The following NRP1 variants were observed in gnomAD, a reference collection of about 807,000 sequenced individuals.
The protein encoded by NRP1 is neuropilin 1.
A neutral mutation model predicts 106.7 loss-of-function variants in NRP1; 35 were observed. The observed-to-expected ratio is 0.33, with a 90% CI of 0.25 to 0.43. The LOEUF (loss-of-function observed/expected upper bound fraction) is 0.43, where lower values mean the gene tolerates loss of function less well. Ranked by LOEUF, NRP1 falls within the 20% of genes least tolerant of loss-of-function variation. The pLI is 1.00. For missense variants in NRP1, 1,024 were observed against 1,170.4 expected (o/e 0.87, Z 1.83); for synonymous variants, 437 against 417.9 (o/e 1.05, Z -0.56).
intron 15 of NRP1, among the ~76,000 whole-genome samples, chr10:33,184,722 C>T (rs965144775): frequency 3.7e-4 from 57 of 152,150 alleles, no homozygotes; most frequent in African/African-American, 1.2e-3. Flanking sequence ...TCTTTTTGCC[C>T]AATTTCTTCG....
chr10:33,207,497 C>T (rs979988250), intron 10 of NRP1, 75 bp downstream of exon 10: 1 of 1,540,224 alleles, frequency 6.5e-7, no homozygotes, highest in Non-Finnish European at 8.9e-7. Context: ...TTTGCAAAGG[C>T]ACCATCAGGG....
chr10:33,227,134 G>A lies in NRP1; in HGVS notation c.982-845C>T, dbSNP rs1327864341. On this transcript the variant is annotated intron_variant, in intron 6 of 16. Coordinates refer to ENST00000374867, the MANE Select transcript of NRP1 (RefSeq NM_003873.7). ...AGACCTTTCTCACTGTTGCAACCAGGATTGCTTGATCCCTGGTGCAAAAGA... is the reference window on the plus strand; with the variant it reads ...AGACCTTTCTCACTGTTGCAACCAGAATTGCTTGATCCCTGGTGCAAAAGA... Among the ~76,000 whole-genome samples the A allele has an allele frequency of 3.3e-5, 5 of 152,310 alleles. No individual in the cohort carries two copies. In the East Asian group the frequency reaches 9.6e-4, roughly 29 times the overall value.
intron 15 of NRP1, among the ~76,000 whole-genome samples, chr10:33,184,261 C>T (rs1835869344): frequency 6.6e-6 from 1 of 152,326 alleles, no homozygotes; most frequent in South Asian, 2.1e-4. Context: ...AATGATCCTC[C>T]TGCCTCGGCC....
chr10:33,326,824 T>A (rs186895541), intron 2 of NRP1, among the ~76,000 whole-genome samples: 2 of 152,326 alleles, frequency 1.3e-5, no homozygotes, highest in East Asian at 3.9e-4. Flanking sequence ...TTGCAAAGTA[T>A]GATCCAGAAT....
intron 2 of NRP1, among the ~76,000 whole-genome samples, chr10:33,314,162 T>A (rs1846840533): frequency 6.8e-6 from 1 of 146,324 alleles, no homozygotes; most frequent in South Asian, 2.4e-4. Flanking sequence ...CATGGCTCAC[T>A]GCAGCCTTGA....
chr10:33,307,545 T>C (rs970549761), intron 2 of NRP1, among the ~76,000 whole-genome samples: 1 of 152,056 alleles, frequency 6.6e-6, no homozygotes, highest in Admixed American at 6.6e-5. Context: ...CTCCCCAACC[T>C]CCCCTACCTC....
intron 16 of NRP1, 78 bp from the exon 17 acceptor site, chr10:33,180,443 C>T (rs555441773): frequency 1.2e-5 from 17 of 1,413,008 alleles, no homozygotes; most frequent in South Asian, 2.8e-5. Context: ...TAGAAAGGAA[C>T]GAAACAGGAG....
At chr10:33,295,902 G>A (rs1272011365) in intron 2 of NRP1, among the ~76,000 whole-genome samples, 1 of 152,172 alleles carries the variant, frequency 6.6e-6, no homozygotes, top group African/African-American at 2.4e-5. Flanking sequence ...AACAAGCAAA[G>A]CCTAAAGTGC....
chr10:33,252,222 G>A (rs1222605623), intron 6 of NRP1, among the ~76,000 whole-genome samples: 5 of 152,174 alleles, frequency 3.3e-5, no homozygotes, highest in African/African-American at 1.2e-4. Context: ...AAGAGTCCAG[G>A]AGAAAACCAT....
intron 11 of NRP1, chr10:33,202,569 G>A: frequency 2.8e-6 from 4 of 1,405,532 alleles, no homozygotes; most frequent in Non-Finnish European, 3.8e-6. Flanking sequence ...CGTGTTATTG[G>A]GGGGGGGTCT....
At chr10:33,252,137 C>T (rs1038462588) in intron 6 of NRP1, among the ~76,000 whole-genome samples, 72 of 152,178 alleles carry the variant, frequency 4.7e-4, no homozygotes, top group African/African-American at 1.7e-3. Flanking sequence ...GGCTGATCGT[C>T]GAGAGCCCAC....
chr10:33,271,327 A>G (rs929656083), intron 2 of NRP1, among the ~76,000 whole-genome samples: 3 of 152,182 alleles, frequency 2.0e-5, no homozygotes, highest in African/African-American at 4.8e-5. Context: ...GACCCTCTAA[A>G]CATATGGCCA....
chr10:33,279,076 G>A (rs1200085572), intron 2 of NRP1, among the ~76,000 whole-genome samples: 1 of 152,238 alleles, frequency 6.6e-6, no homozygotes, highest in East Asian at 1.9e-4. Context: ...TATGAGAGCT[G>A]TCATGGGTGA....
chr10:33,200,472 C>T (rs1017164395), intron 11 of NRP1, among the ~76,000 whole-genome samples: 1 of 152,148 alleles, frequency 6.6e-6, no homozygotes, highest in Non-Finnish European at 1.5e-5. Context: ...CAATATTTCT[C>T]CCCTCTAGAT....
Position 33,334,428 on chromosome 10 carries a change from TG to T in NRP1, c.-47del, listed in dbSNP as rs1233905596. On this transcript the variant is annotated 5_prime_UTR_variant, in exon 1 of 17. Transcript: ENST00000374867. ...AGGCAGACGCGGGAGAACGAGGACGTGGGGGGAAATGCAGCAAAGAGGAGAA... is the reference window on the plus strand; with the variant it reads ...AGGCAGACGCGGGAGAACGAGGACGTGGGGGAAATGCAGCAAAGAGGAGAA... 3 of 1,487,804 alleles carry T rather than the reference TG, an allele frequency of 2.0e-6. No homozygotes were observed. The highest frequency in any genetic ancestry group is 1.4e-5 in the African/African-American group (1 of 71,834). The allele number at this position is 1,487,804 out of a possible 1,614,324, so 92.2% of individuals were successfully genotyped here.
At chr10:33,247,628 T>A (rs1288190308) in intron 6 of NRP1, among the ~76,000 whole-genome samples, 1 of 152,144 alleles carries the variant, frequency 6.6e-6, no homozygotes, top group African/African-American at 2.4e-5. Flanking sequence ...GGCATGAGAG[T>A]ATCTCTCCAG....
chr10:33,287,939 G>A (rs1346668262), intron 2 of NRP1, among the ~76,000 whole-genome samples: 2 of 152,164 alleles, frequency 1.3e-5, no homozygotes, highest in Non-Finnish European at 2.9e-5. Flanking sequence ...CATTCACAAC[G>A]TCAGAGCTGT....
At chr10:33,206,114 C>A in intron 10 of NRP1, 1 of 470,788 alleles carries the variant, frequency 2.1e-6, no homozygotes, top group South Asian at 1.5e-5. Context: ...GCTTTCAAAA[C>A]TGCCACCAGG....
intron 6 of NRP1, among the ~76,000 whole-genome samples, chr10:33,241,399 G>GA (rs1163277571): frequency 6.6e-6 from 1 of 152,094 alleles, no homozygotes; most frequent in African/African-American, 2.4e-5. Flanking sequence ...TCACCCAATG[G>GA]AAAAAATGCA....
Sources: gnomAD v4.1 joint callset for allele counts (sites outside exome capture counted in the v4.1 genomes callset) on GRCh38, gnomAD v4.1.1 for gene constraint, MANE v1.5 for transcripts, NCBI Gene and HGNC (gene_info 2026-07-23, HGNC 2026-07-21) for gene names.